Variants in ZNF430 observed in about 807,000 individuals in gnomAD.
The protein encoded by ZNF430 is zinc finger protein 430.
Under a neutral mutation model 56.7 loss-of-function variants are expected in ZNF430, and 35 were observed. The observed-to-expected ratio is 0.62, with a 90% CI of 0.47 to 0.82. The LOEUF is 0.82. ZNF430 is among the 40% of genes least tolerant of loss of function. The pLI, the probability that ZNF430 is intolerant of heterozygous loss-of-function variation, is 0.00. For missense variants in ZNF430, 574 were observed against 661.0 expected (o/e 0.87, Z 1.44); for synonymous variants, 212 against 224.3 (o/e 0.94, Z 0.49).
intron 4 of ZNF430, among the ~76,000 whole-genome samples, chr19:21,037,500 G>A (rs970358145): frequency 1.3e-5 from 2 of 152,120 alleles, no homozygotes; most frequent in Non-Finnish European, 2.9e-5. Context: ...AGAGACACCT[G>A]GGTTGCTGCA....
intron 4 of ZNF430, among the ~76,000 whole-genome samples, chr19:21,048,438 C>T (rs1036056529): frequency 1.6e-4 from 24 of 150,714 alleles, no homozygotes; most frequent in Non-Finnish European, 3.0e-4. Context: ...CATCTTGCAC[C>T]GCCCTTAATC....
At chr19:21,041,409 CT>C (rs1167310769) in intron 4 of ZNF430, among the ~76,000 whole-genome samples, 1 of 152,062 alleles carries the variant, frequency 6.6e-6, no homozygotes, top group South Asian at 2.1e-4. Context: ...CCTGAGATTA[CT>C]TTTTTTTATT....
chr19:21,049,462 A>G (rs541601315), intron 4 of ZNF430: 2 of 152,200 alleles, frequency 1.3e-5, no homozygotes, highest in South Asian at 4.1e-4. Flanking sequence ...TTATTTTTCA[A>G]CAAAATGGAT....
At chr19:21,041,720 T>TG (rs1968105492) in intron 4 of ZNF430, among the ~76,000 whole-genome samples, 2 of 20,388 alleles carry the variant, frequency 9.8e-5, no homozygotes, top group East Asian at 5.2e-4. Flanking sequence ...TTGTTTTTGT[T>TG]TTTGTTGTTG....
chr19:21,032,600 G>C (rs1380439882), intron 2 of ZNF430, among the ~76,000 whole-genome samples: 1 of 152,114 alleles, frequency 6.6e-6, no homozygotes, highest in East Asian at 1.9e-4. Context: ...GGTGGTACAT[G>C]CCTGTAATCC....
chr19:21,041,784 G>A (rs1239872800), intron 4 of ZNF430, among the ~76,000 whole-genome samples: 2 of 152,168 alleles, frequency 1.3e-5, no homozygotes, highest in African/African-American at 4.8e-5. Flanking sequence ...CATGATCTCA[G>A]CTCACTGCAA....
chr19:21,045,018 A>G (rs376246728), intron 4 of ZNF430, among the ~76,000 whole-genome samples: 24 of 152,314 alleles, frequency 1.6e-4, no homozygotes, highest in South Asian at 4.1e-4. Flanking sequence ...GTTTTCAAAA[A>G]AAATAGCTCC....
At chr19:21,021,691 T>C (rs1967689536) in intron 1 of ZNF430, among the ~76,000 whole-genome samples, 1 of 152,140 alleles carries the variant, frequency 6.6e-6, no homozygotes, top group Non-Finnish European at 1.5e-5. Context: ...TTATGTAGTT[T>C]CTTAGTTTGT....
At position 21,034,215 on chromosome 19, in the gene ZNF430, G is replaced by A. The variant is rs776313056; in HGVS notation, c.322+31G>A. 27 of 1,393,040 alleles carry A rather than the reference G, an allele frequency of 1.9e-5. No individual in the cohort carries two copies. The South Asian group carries it at 3.8e-4, about 19-fold the overall frequency. 86.3% of individuals were successfully genotyped at this position (1,393,040 alleles called of 1,614,324 possible). ...TGAGAGTGAACACAACAGACGACAT[G>A]AATGAGAGGTCCAAAAAAGAAGAAA... On this transcript the variant is annotated intron_variant, in intron 4 of 4. Coordinates refer to ENST00000261560, the MANE Select transcript of ZNF430 (RefSeq NM_025189.4).
At chr19:21,052,437 T>A (rs976184232) in intron 4 of ZNF430, among the ~76,000 whole-genome samples, 14 of 152,214 alleles carry the variant, frequency 9.2e-5, no homozygotes, top group Non-Finnish European at 1.8e-4. Context: ...CATAATTATA[T>A]TACTGTCTAA....
intron 4 of ZNF430, among the ~76,000 whole-genome samples, chr19:21,039,573 A>T (rs371597413): frequency 1.6e-4 from 24 of 147,558 alleles, no homozygotes; most frequent in South Asian, 4.3e-4. Context: ...TTCAAGCAAT[A>T]CTCCCGCCTC....
Position 21,058,740 on chromosome 19 carries a change from T to C in ZNF430, c.*719T>C, listed in dbSNP as rs1248237112. On this transcript the variant is annotated 3_prime_UTR_variant, in exon 5 of 5. Coordinates refer to ENST00000261560, the MANE Select transcript of ZNF430 (RefSeq NM_025189.4). Reference sequence around the variant, plus strand: ...TTATACTTGAAAAAAATTGTACAAATATAAAGACCATGAAAAAGCCATTAA... The same window carrying C: ...TTATACTTGAAAAAAATTGTACAAACATAAAGACCATGAAAAAGCCATTAA... The C allele has an allele frequency of 1.3e-5, 2 of 152,316 alleles. No individual in the cohort carries two copies. Among genetic ancestry groups the C allele is most frequent in the African/African-American group, 4.8e-5 (2 of 41,422 alleles). 9.4% of individuals were successfully genotyped at this position (152,316 alleles called of 1,614,324 possible). A position where few individuals can be genotyped will look rare whatever the true frequency, so the allele number is the denominator to read the frequency against.
At position 21,026,827 on chromosome 19, in the gene ZNF430, C is replaced by CTTTTTTTTTTTTTTTTTTTTT. The variant is rs747809260; in HGVS notation, c.96+3949_96+3969dup. Among the ~76,000 whole-genome samples, 16 of 68,726 alleles carry CTTTTTTTTTTTTTTTTTTTTT rather than the reference C, an allele frequency of 2.3e-4. 2 individuals are homozygous for CTTTTTTTTTTTTTTTTTTTTT. The highest frequency in any genetic ancestry group is 2.0e-3 in the South Asian group (3 of 1,466). The allele number at this position is 68,726 out of a possible 152,430, so 45.1% of individuals were successfully genotyped here. On this transcript the variant is annotated intron_variant, in intron 2 of 4. Coordinates refer to ENST00000261560, the MANE Select transcript of ZNF430 (RefSeq NM_025189.4). Reference sequence around the variant, plus strand: ...TTGGATGCCTTTTTTCTTTTCTTTTCTTTTTTTTTTTTTTTTTTTTTTTGA... The same window carrying CTTTTTTTTTTTTTTTTTTTTT: ...TTGGATGCCTTTTTTCTTTTCTTTTCTTTTTTTTTTTTTTTTTTTTTTTTTTTTTTTTTTTTTTTTTTTTGA...
intron 1 of ZNF430, among the ~76,000 whole-genome samples, chr19:21,022,124 T>C (rs1967701768): frequency 6.6e-6 from 1 of 152,084 alleles, no homozygotes; most frequent in African/African-American, 2.4e-5. Context: ...AGGCGTGAGC[T>C]ATCACGCCCA....
At position 21,059,442 on chromosome 19, in the gene ZNF430, C is replaced by T. The variant is rs1289652798; in HGVS notation, c.*1421C>T. Reference sequence around the variant, plus strand: ...CCTGTAATCACAGCTACTCGAGAGGCTGAGGCAGGAGAATTGCTTGAACCC... The same window carrying T: ...CCTGTAATCACAGCTACTCGAGAGGTTGAGGCAGGAGAATTGCTTGAACCC... On this transcript the variant is annotated 3_prime_UTR_variant, in exon 5 of 5. Transcript: ENST00000261560. 1 of 150,372 alleles carries T rather than the reference C, an allele frequency of 6.7e-6. No homozygotes were observed. The highest frequency in any genetic ancestry group is 2.4e-5 in the African/African-American group (1 of 40,870). The allele number at this position is 150,372 out of a possible 1,614,324, so 9.3% of individuals were successfully genotyped here. A position where few individuals can be genotyped will look rare whatever the true frequency, so the allele number is the denominator to read the frequency against.
intron 4 of ZNF430, among the ~76,000 whole-genome samples, chr19:21,052,830 C>G (rs1968306180): frequency 1.3e-5 from 2 of 152,032 alleles, no homozygotes; most frequent in African/African-American, 4.8e-5. Flanking sequence ...GACTCAGGGA[C>G]CTGGAGAACA....
chr19:21,050,593 A>G (rs1968267228), intron 4 of ZNF430, among the ~76,000 whole-genome samples: 1 of 151,994 alleles, frequency 6.6e-6, no homozygotes, highest in East Asian at 1.9e-4. Context: ...TTGTGAATCT[A>G]TATTATTTTT....
chr19:21,043,357 A>G (rs1968139839), intron 4 of ZNF430, among the ~76,000 whole-genome samples: 1 of 152,184 alleles, frequency 6.6e-6, no homozygotes, highest in African/African-American at 2.4e-5. Context: ...TTCTCCCAGC[A>G]CCATTCATTA....
chr19:21,053,777 A>G (rs947170731), intron 4 of ZNF430, among the ~76,000 whole-genome samples: 2 of 152,228 alleles, frequency 1.3e-5, no homozygotes, highest in Non-Finnish European at 2.9e-5. Context: ...GTATATATAT[A>G]AACTCTGAAA....
Sources: allele counts gnomAD v4.1 joint callset (sites outside exome capture counted in the v4.1 genomes callset), GRCh38; gene constraint gnomAD v4.1.1; transcripts MANE v1.5; gene names NCBI Gene and HGNC (gene_info 2026-07-23, HGNC 2026-07-21).